Variants in DCHS1 observed in about 807,000 individuals in gnomAD.
DCHS1 encodes the protein dachsous cadherin-related 1.
A neutral mutation model predicts 213.9 loss-of-function variants in DCHS1; 78 were observed. The ratio of observed to expected loss-of-function variants is 0.36; its 90% confidence interval spans 0.30 to 0.44. The LOEUF is 0.44. DCHS1 is among the 20% of genes least tolerant of loss of function. DCHS1 has a pLI of 1.00. For missense variants in DCHS1, 3,946 were observed against 4,395.9 expected (o/e 0.90, Z 2.89); for synonymous variants, 1,828 against 1,873.7 (o/e 0.98, Z 0.63).
At position 6,655,660 on chromosome 11, in the gene DCHS1, G is replaced by T; in HGVS notation, c.-218C>A. On this transcript the variant is annotated 5_prime_UTR_variant, in exon 1 of 21. Transcript: ENST00000299441. Reference sequence around the variant, plus strand: ...CCGCTCGCGCGGGGCCTGAGGCCGCGCATCGTCCGCAGTCGCTGTCTCCGA... The same window carrying T: ...CCGCTCGCGCGGGGCCTGAGGCCGCTCATCGTCCGCAGTCGCTGTCTCCGA... 1 of 978,608 alleles carries T rather than the reference G, an allele frequency of 1.0e-6. No individual in the cohort carries two copies. The highest frequency in any genetic ancestry group is 1.2e-6 in the Non-Finnish European group (1 of 826,768). 60.6% of individuals were successfully genotyped at this position (978,608 alleles called of 1,614,324 possible). A position where few individuals can be genotyped will look rare whatever the true frequency, so the allele number is the denominator to read the frequency against.
In DCHS1 at chr11:6,641,466, G is replaced by A; in HGVS notation, c.148C>T (p.Gln50Ter). 1 of 1,587,552 alleles carries A rather than the reference G, an allele frequency of 6.3e-7. No homozygotes were observed. The highest frequency in any genetic ancestry group is 8.6e-7 in the Non-Finnish European group (1 of 1,167,684). ...CCCGCTGGCTGCTCCTCATCAATCT[G>A]CAAGTCCAGGCTCCCAGCCTGACCC... ...AWGQAGSLDL[Q>*]IDEEQPAGTL... The change falls in exon 2 of 21, where the codon CAG becomes TAG. Residue 50 changes from glutamine (Q) to a stop codon, truncating the protein, a stop_gained. Transcript: ENST00000299441. LOFTEE classifies it high-confidence loss of function. The surrounding 1 kb of genome is among the most constrained non-coding windows in gnomAD (Gnocchi z 7.1).
At chr11:6,646,532 C>T (rs1271634136) in intron 1 of DCHS1, among the ~76,000 whole-genome samples, 1 of 152,188 alleles carries the variant, frequency 6.6e-6, no homozygotes, top group African/African-American at 2.4e-5. Flanking sequence ...CATCCCTTCC[C>T]CAGATCTGGC....
At position 6,623,858 on chromosome 11, in the gene DCHS1, G is replaced by T; in HGVS notation, c.7818C>A (p.Ser2606=). ...NDNPPVFTRA[S]YRVTVPEDTP... ...TGTCCTCAGGTACTGTCACACGGTA[G>T]GATGCTCGGGTAAAGACAGGTGGGT... The change falls in exon 21 of 21, where the codon TCC becomes TCA. Residue 2606 remains serine, a synonymous_variant. Coordinates refer to ENST00000299441, the MANE Select transcript of DCHS1 (RefSeq NM_003737.4). 1 of 1,611,692 alleles carries T rather than the reference G, an allele frequency of 6.2e-7. No individual in the cohort carries two copies. Among genetic ancestry groups the T allele is most frequent in the Non-Finnish European group, 8.5e-7 (1 of 1,178,066 alleles).
intron 1 of DCHS1, among the ~76,000 whole-genome samples, chr11:6,652,935 C>A (rs1856265465): frequency 1.3e-5 from 2 of 152,204 alleles, no homozygotes; most frequent in South Asian, 4.1e-4. Flanking sequence ...CAGTGTTATA[C>A]CCTCCAGAGT....
chr11:6,641,017 T>C lies in DCHS1; in HGVS notation c.597A>G (p.Pro199=), dbSNP rs1181473643. The part of the protein sequence containing the change: ...ETFRLETRPG[P]DGTPVPELVV... ...CCAGCTCAGGTACTGGAGTCCCATC[T>C]GGACCGGGGCGTGTCTCCAGCCGGA... The change falls in exon 2 of 21, where the codon CCA becomes CCG. Residue 199 remains proline (P), a synonymous_variant. Coordinates refer to ENST00000299441, the MANE Select transcript of DCHS1 (RefSeq NM_003737.4). The surrounding 1 kb of genome is among the most constrained non-coding windows in gnomAD (Gnocchi z 7.1). The C allele has an allele frequency of 1.9e-6, 3 of 1,614,036 alleles. No homozygotes were observed. Among genetic ancestry groups the C allele is most frequent in the Non-Finnish European group, 2.5e-6 (3 of 1,179,892 alleles).
In DCHS1 at chr11:6,630,484, G is replaced by A. The variant is rs1161417910; in HGVS notation, c.4310C>T (p.Ala1437Val). 6.5e-7 allele frequency: 1 copy of A among 1,533,230 alleles called. No homozygotes were observed. Among genetic ancestry groups the A allele is most frequent in the Non-Finnish European group, 8.7e-7 (1 of 1,146,332 alleles). The allele number at this position is 1,533,230 out of a possible 1,614,324, so 95.0% of individuals were successfully genotyped here. ...CAGCGCCAGCGCCAGCGGGTCGCGCGCAAAGGCGGGCGCATGCTCATTCTC... is the reference window on the plus strand; with the variant it reads ...CAGCGCCAGCGCCAGCGGGTCGCGCACAAAGGCGGGCGCATGCTCATTCTC... ...QDENEHAPAF[A>V]RDPLALALPE... The change falls in exon 10 of 21, where the codon GCG (alanine) becomes GTG (valine). Residue 1437 changes from alanine to valine, a missense_variant. Ala to Val is a moderately conservative substitution (Grantham distance 64). Coordinates refer to ENST00000299441, the MANE Select transcript of DCHS1 (RefSeq NM_003737.4).
At chr11:6,649,529 C>T (rs1403069127) in intron 1 of DCHS1, among the ~76,000 whole-genome samples, 3 of 151,594 alleles carry the variant, frequency 2.0e-5, no homozygotes, top group Non-Finnish European at 4.4e-5. Context: ...GAGAGGAGGT[C>T]GTAGGGTACA....
Position 6,633,524 on chromosome 11 carries a change from C to A in DCHS1, c.2343G>T (p.Val781=), listed in dbSNP as rs773947270. 2.5e-6 allele frequency: 4 copies of A among 1,586,136 alleles called. No homozygotes were observed. Among genetic ancestry groups the A allele is most frequent in the Non-Finnish European group, 3.4e-6 (4 of 1,165,882 alleles). The change falls in exon 5 of 21, where the codon GTG becomes GTT. Residue 781 remains valine, a synonymous_variant. Coordinates refer to ENST00000299441, the MANE Select transcript of DCHS1 (RefSeq NM_003737.4). ...ATATGGGTGGTGTGGGGGTTCCAGG[C>A]ACAATGCTGATGTCCACTCGGGCAC... ...EPSARVDISI[V]PGTPTPPIFE...
Position 6,627,756 on chromosome 11 carries a change from C to A in DCHS1, c.5372-89G>T. 3.6e-6 allele frequency: 5 copies of A among 1,379,072 alleles called. No individual in the cohort carries two copies. Among genetic ancestry groups the A allele is most frequent in the South Asian group, 1.4e-5 (1 of 70,192 alleles). 85.4% of individuals were successfully genotyped at this position (1,379,072 alleles called of 1,614,324 possible). A position where few individuals can be genotyped will look rare whatever the true frequency, so the allele number is the denominator to read the frequency against. ...CAACAGGAGAGAGTGAGCATGTGCA[C>A]AAAAGCAAGTGAACCTTATGAGAGA... On this transcript the variant is annotated intron_variant, in intron 13 of 20. Transcript: ENST00000299441. The surrounding 1 kb of genome is among the most constrained non-coding windows in gnomAD (Gnocchi z 5.4).
chr11:6,632,508 T>G lies in DCHS1; in HGVS notation c.3004A>C (p.Ser1002Arg). The change falls in exon 6 of 21, where the codon AGC (serine) becomes CGC (arginine). Residue 1002 changes from serine to arginine, a missense_variant. By Grantham distance (110) the Ser-to-Arg change is moderately radical (BLOSUM62 -1). Coordinates refer to ENST00000299441, the MANE Select transcript of DCHS1 (RefSeq NM_003737.4). The surrounding 1 kb of genome is among the most constrained non-coding windows in gnomAD (Gnocchi z 5.9). Reference sequence around the variant, plus strand: ...GGCAGGTCCACACGGTAGGTAGGGCTGTTGAATCGGGGAGCCAGCCCACGG... The same window carrying G: ...GGCAGGTCCACACGGTAGGTAGGGCGGTTGAATCGGGGAGCCAGCCCACGG... ...GTRGLAPRFN[S>R]PTYRVDLPSG... The G allele has an allele frequency of 6.4e-7, 1 of 1,553,602 alleles. No homozygotes were observed. Among genetic ancestry groups the G allele is most frequent in the Non-Finnish European group, 8.7e-7 (1 of 1,148,230 alleles).
chr11:6,647,932 G>C (rs1856188298), intron 1 of DCHS1, among the ~76,000 whole-genome samples: 1 of 152,206 alleles, frequency 6.6e-6, no homozygotes, highest in South Asian at 2.1e-4. Context: ...AGACATGAAA[G>C]ATGTGAGGAG....
Position 6,622,221 on chromosome 11 carries a change from G to C in DCHS1, c.9455C>G (p.Ala3152Gly). The change falls in exon 21 of 21, where the codon GCC becomes GGC. Residue 3152 changes from alanine (A) to glycine (G), a missense_variant. Around this residue, in one of 3 missense-constraint regions of DCHS1, gnomAD observed 554 missense variants for 590.2 expected, o/e 0.94. Coordinates refer to ENST00000299441, the MANE Select transcript of DCHS1 (RefSeq NM_003737.4). This position sits in a 1 kb window ranked among gnomAD's most constrained non-coding sequence, Gnocchi z 5.4. ...GCTGCCACGGAGCTCCTCCTCGCCG[G>C]CCACAATGGCTGTCAGCGCACCTGC... The part of the protein sequence containing the change: ...CVAGALTAIV[A>G]GEEELRGSYN... 1.2e-6 allele frequency: 2 copies of C among 1,600,808 alleles called. No individual in the cohort carries two copies. The highest frequency in any genetic ancestry group is 2.2e-5 in the South Asian group (2 of 89,528).
At chr11:6,638,930 G>A (rs1856023871) in intron 2 of DCHS1, among the ~76,000 whole-genome samples, 1 of 152,070 alleles carries the variant, frequency 6.6e-6, no homozygotes, top group African/African-American at 2.4e-5. Flanking sequence ...GGCTAACACA[G>A]TGAAACCCCG....
rs1304069955 is a variant in DCHS1 at position 6,632,988 on chromosome 11, C to G, written c.2524G>C (p.Val842Leu). 1 of 1,613,806 alleles carries G rather than the reference C, an allele frequency of 6.2e-7. No individual in the cohort carries two copies. Among genetic ancestry groups the G allele is most frequent in the Non-Finnish European group, 8.5e-7 (1 of 1,179,838 alleles). Reference sequence around the variant, plus strand: ...CGAAGTGTTTGCAACAGTCCTGATACCGCATCTAGGGAGAAGAGTCCTCGG... The same window carrying G: ...CGAAGTGTTTGCAACAGTCCTGATAGCGCATCTAGGGAGAAGAGTCCTCGG... ...DPRGLFSLDA[V>L]SGLLQTLRPL... Residue 842 changes from valine to leucine, a missense_variant, in exon 6 of 21, where the codon GTA (valine) becomes CTA (leucine). By Grantham distance (32) the Val-to-Leu change is conservative (BLOSUM62 1). This residue lies in a region of DCHS1 where 3,384 missense variants were observed against 3,780.1 expected (regional missense o/e 0.90). Coordinates refer to ENST00000299441, the MANE Select transcript of DCHS1 (RefSeq NM_003737.4). The surrounding 1 kb of genome is among the most constrained non-coding windows in gnomAD (Gnocchi z 5.9).
chr11:6,632,571 G>C lies in DCHS1; in HGVS notation c.2941C>G (p.His981Asp), dbSNP rs553301291. Reference sequence around the variant, plus strand: ...TGTACCACCACCCGTAGTCGAAAGTGGCTGGTGCGTGGTGGGGAGCCCCCA... The same window carrying C: ...TGTACCACCACCCGTAGTCGAAAGTCGCTGGTGCGTGGTGGGGAGCCCCCA... Reference protein sequence around the residue: ...RDGGSPPRTSHFRLRVVVQDV... With the variant: ...RDGGSPPRTSDFRLRVVVQDV... The change falls in exon 6 of 21, where the codon CAC becomes GAC. Residue 981 changes from histidine (H) to aspartate (D), a missense_variant. His to Asp is a moderately conservative substitution (Grantham distance 81). Coordinates refer to ENST00000299441, the MANE Select transcript of DCHS1 (RefSeq NM_003737.4). This position sits in a 1 kb window ranked among gnomAD's most constrained non-coding sequence, Gnocchi z 5.9. The C allele has an allele frequency of 1.3e-5, 20 of 1,513,896 alleles. No homozygotes were observed. The East Asian group carries it at 4.1e-4, about 31-fold the overall frequency. The allele number at this position is 1,513,896 out of a possible 1,614,324, so 93.8% of individuals were successfully genotyped here.
Position 6,630,351 on chromosome 11 carries a change from C to A in DCHS1, c.4443G>T (p.Pro1481=), listed in dbSNP as rs1444755768. Residue 1481 remains proline (P), a synonymous_variant, in exon 10 of 21, where the codon CCG becomes CCT. Transcript: ENST00000299441. ...CGTCCAGGCGAAGCGCCGGCACGGG[C>A]GGCTCCTGGCGCAGCAGGCGGTAGC... ...DVRYRLLRQE[P]PVPALRLDAR... 8 of 1,311,470 alleles carry A rather than the reference C, an allele frequency of 6.1e-6. No homozygotes were observed. The East Asian group carries it at 2.1e-4, about 35-fold the overall frequency. The allele number at this position is 1,311,470 out of a possible 1,614,324, so 81.2% of individuals were successfully genotyped here.
At position 6,639,869 on chromosome 11, in the gene DCHS1, A is replaced by G. The variant is rs1238841786; in HGVS notation, c.1745T>C (p.Phe582Ser). 2 of 1,613,086 alleles carry G rather than the reference A, an allele frequency of 1.2e-6. No homozygotes were observed. The highest frequency in any genetic ancestry group is 1.3e-5 in the African/African-American group (1 of 74,932). ...GCCCTCAGGCAGTGAGGCATTGTAG[A>G]AAGTCCTCTGGAATTGGGGCTCATT... ...NDNEPQFQRT[F>S]YNASLPEGTQ... The change falls in exon 2 of 21, where the codon TTC becomes TCC. Residue 582 changes from phenylalanine to serine, a missense_variant. By Grantham distance (155) the Phe-to-Ser change is radical. This residue lies in a region of DCHS1 where 3,384 missense variants were observed against 3,780.1 expected (regional missense o/e 0.90). Coordinates refer to ENST00000299441, the MANE Select transcript of DCHS1 (RefSeq NM_003737.4).
rs1282717426 is a variant in DCHS1 at position 6,624,052 on chromosome 11, C to G, written c.7624G>C (p.Glu2542Gln). The change falls in exon 21 of 21, where the codon GAG becomes CAG. Residue 2542 changes from glutamate to glutamine, a missense_variant. Around this residue, in one of 3 missense-constraint regions of DCHS1, gnomAD observed 3,384 missense variants for 3,780.1 expected, o/e 0.90. Coordinates refer to ENST00000299441, the MANE Select transcript of DCHS1 (RefSeq NM_003737.4). The stretch of plus-strand genomic sequence containing the variant: ...GCCCGGGGGCCTGGTCCAGCACTCT[C>G]CCCAGCCTCAGCCAGCCTGGGTTCC... ...QLEPRLAEAGESAGPGPRALG... is the reference protein window; with the variant it reads ...QLEPRLAEAGQSAGPGPRALG... 6.2e-7 allele frequency: 1 copy of G among 1,613,410 alleles called. No homozygotes were observed. Among genetic ancestry groups the G allele is most frequent in the South Asian group, 1.1e-5 (1 of 91,070 alleles).
Position 6,628,871 on chromosome 11 carries a change from C to T in DCHS1, c.5162-41G>A. 1 of 1,573,604 alleles carries T rather than the reference C, an allele frequency of 6.4e-7. No individual in the cohort carries two copies. The highest frequency in any genetic ancestry group is 1.1e-5 in the South Asian group (1 of 87,008). ...ATCAATGAGGTCTAGTCTGCCCTCACCACATGGAGAAATCCACACCACACA... is the reference window on the plus strand; with the variant it reads ...ATCAATGAGGTCTAGTCTGCCCTCATCACATGGAGAAATCCACACCACACA... On this transcript the variant is annotated intron_variant, in intron 12 of 20. Transcript: ENST00000299441. This position sits in a 1 kb window ranked among gnomAD's most constrained non-coding sequence, Gnocchi z 4.3.
Sources: allele counts gnomAD v4.1 joint callset (sites outside exome capture counted in the v4.1 genomes callset), GRCh38; gene constraint gnomAD v4.1.1; regional missense constraint gnomAD v4.1.1; non-coding constraint Gnocchi (gnomAD v3.1); transcripts MANE v1.5; gene names NCBI Gene and HGNC (gene_info 2026-07-23, HGNC 2026-07-21).